The following SLC25A26 variants were observed in gnomAD, a reference collection of about 807,000 sequenced individuals.
SLC25A26 encodes the protein mitochondrial S-adenosylmethionine carrier protein.
Under a neutral mutation model 37.8 loss-of-function variants are expected in SLC25A26, and 36 were observed. The observed-to-expected ratio is 0.95, with a 90% CI of 0.73 to 1.26. SLC25A26 has a LOEUF of 1.26. Ranked by LOEUF, SLC25A26 falls within the 50% of genes most tolerant of loss-of-function variation. The pLI, the probability that SLC25A26 is intolerant of heterozygous loss-of-function variation, is 0.00. For missense variants in SLC25A26, 390 were observed against 331.1 expected, an observed-to-expected ratio of 1.18 and a Z score of -1.38; for synonymous variants, 129 against 122.5, an observed-to-expected ratio of 1.05 and a Z score of -0.35.
chr3:66,289,524 T>C (rs1329815758), intron 5 of SLC25A26, among the ~76,000 whole-genome samples: 1 of 152,218 alleles, frequency 6.6e-6, no homozygotes, highest in Non-Finnish European at 1.5e-5. Context: ...GGGGTCCATT[T>C]TGAGTTTTCT....
intron 9 of SLC25A26, chr3:66,371,188 G>T (rs1325001061): frequency 6.8e-7 from 1 of 1,475,928 alleles, no homozygotes; most frequent in African/African-American, 1.4e-5. Context: ...GTGAAATGAT[G>T]ATTTTTCTCT....
intron 1 of SLC25A26, among the ~76,000 whole-genome samples, chr3:66,209,905 TATATATA>T (rs2071259227): frequency 2.5e-4 from 5 of 19,732 alleles, no homozygotes; most frequent in African/African-American, 4.1e-4. Flanking sequence ...TATTTATATA[TATATATA>T]TATATATATA....
At chr3:66,241,019 A>C (rs146738352) in intron 2 of SLC25A26, among the ~76,000 whole-genome samples, 66,736 of 151,968 alleles carry the variant, frequency 0.44, 17,022 homozygotes, top group African/African-American at 0.7. Flanking sequence ...AGTGCTGGGA[A>C]TACAGGCGTG....
chr3:66,361,982 GAAGA>G (rs536206920), intron 6 of SLC25A26, among the ~76,000 whole-genome samples: 15 of 151,830 alleles, frequency 9.9e-5, no homozygotes, highest in South Asian at 2.1e-4. Context: ...CAAAAAAAAA[GAAGA>G]AAGAAAGAAA....
At chr3:66,221,559 C>T (rs960203210) in intron 1 of SLC25A26, among the ~76,000 whole-genome samples, 9 of 152,072 alleles carry the variant, frequency 5.9e-5, no homozygotes, top group East Asian at 1.9e-4. Flanking sequence ...CATCTCTTTT[C>T]AGTCTTAGAA....
chr3:66,345,343 T>G (rs1046163201), intron 5 of SLC25A26, among the ~76,000 whole-genome samples: 2 of 152,132 alleles, frequency 1.3e-5, no homozygotes, highest in African/African-American at 4.8e-5. Context: ...CAAGTTTGAC[T>G]CTTGCAAGTA....
intron 5 of SLC25A26, among the ~76,000 whole-genome samples, chr3:66,281,084 C>G (rs2074320295): frequency 6.6e-6 from 1 of 152,174 alleles, no homozygotes; most frequent in Non-Finnish European, 1.5e-5. Context: ...TCCTCCATGA[C>G]ATAGACTTTT....
At chr3:66,262,853 A>G (rs1362115414) in intron 4 of SLC25A26, among the ~76,000 whole-genome samples, 1 of 152,226 alleles carries the variant, frequency 6.6e-6, no homozygotes, top group Non-Finnish European at 1.5e-5. Flanking sequence ...AATACTGACC[A>G]CTAGTTTGAG....
intron 5 of SLC25A26, among the ~76,000 whole-genome samples, chr3:66,313,354 C>A (rs1396925709): frequency 6.6e-6 from 1 of 152,106 alleles, no homozygotes; most frequent in African/African-American, 2.4e-5. Flanking sequence ...CCAGTTCTCC[C>A]AGCACCGTTT....
intron 5 of SLC25A26, among the ~76,000 whole-genome samples, chr3:66,289,678 A>G (rs1241166920): frequency 1.3e-5 from 2 of 152,000 alleles, no homozygotes; most frequent in African/African-American, 4.8e-5. Flanking sequence ...TTGGGTTTGT[A>G]TATGTGTTTT....
intron 5 of SLC25A26, among the ~76,000 whole-genome samples, chr3:66,337,075 C>A (rs2076107381): frequency 6.6e-6 from 1 of 152,030 alleles, no homozygotes; most frequent in Non-Finnish European, 1.5e-5. Flanking sequence ...AATCTAAAAG[C>A]AAATATTGAA....
intron 1 of SLC25A26, among the ~76,000 whole-genome samples, chr3:66,156,523 A>C (rs1214467480): frequency 6.6e-6 from 1 of 152,178 alleles, no homozygotes; most frequent in African/African-American, 2.4e-5. Context: ...CAAAAGTACT[A>C]AAAACAGTGC....
chr3:66,185,415 C>T (rs963211631), intron 1 of SLC25A26, among the ~76,000 whole-genome samples: 6 of 152,152 alleles, frequency 3.9e-5, no homozygotes, highest in Non-Finnish European at 5.9e-5. Flanking sequence ...TAAACATGAG[C>T]GTTCAAGTAT....
At chr3:66,310,196 A>C (rs9682538) in intron 5 of SLC25A26, among the ~76,000 whole-genome samples, 1,812 of 152,298 alleles carry the variant, frequency 0.012, 43 homozygotes, top group African/African-American at 0.041. Context: ...TATTGGGTGC[A>C]TATATATTTA....
chr3:66,342,145 C>T (rs867138330), intron 5 of SLC25A26, among the ~76,000 whole-genome samples: 1 of 152,116 alleles, frequency 6.6e-6, no homozygotes, highest in East Asian at 1.9e-4. Context: ...CTGTAGATCT[C>T]TTGAAAATTG....
At chr3:66,176,993 G>A (rs2070598952) in intron 1 of SLC25A26, among the ~76,000 whole-genome samples, 2 of 152,286 alleles carry the variant, frequency 1.3e-5, no homozygotes, top group South Asian at 4.1e-4. Flanking sequence ...GCCCTATAGA[G>A]TAAAGTCTCC....
At chr3:66,227,371 A>G (rs958412298) in intron 1 of SLC25A26, among the ~76,000 whole-genome samples, 1 of 151,846 alleles carries the variant, frequency 6.6e-6, no homozygotes, top group Non-Finnish European at 1.5e-5. Context: ...ATCTTTGTTC[A>G]TCAGTTTTCT....
intron 5 of SLC25A26, among the ~76,000 whole-genome samples, chr3:66,319,677 AT>A (rs754419521): frequency 2.0e-5 from 3 of 151,906 alleles, no homozygotes; most frequent in South Asian, 2.1e-4. Context: ...AACAAAAAAA[AT>A]GATACATCTT....
chr3:66,212,934 C>T (rs2106840497), intron 1 of SLC25A26, among the ~76,000 whole-genome samples: 1 of 152,314 alleles, frequency 6.6e-6, no homozygotes, highest in African/African-American at 2.4e-5. Flanking sequence ...ATCTGTTAAA[C>T]ATGGAGCAGA....
Sources: allele counts gnomAD v4.1 joint callset (sites outside exome capture counted in the v4.1 genomes callset), GRCh38; gene constraint gnomAD v4.1.1; transcripts MANE v1.5; gene names NCBI Gene and HGNC (gene_info 2026-07-23, HGNC 2026-07-21).